Variants in ARHGAP21 observed in about 807,000 individuals in gnomAD.
ARHGAP21 encodes rho GTPase-activating protein 21.
A neutral mutation model predicts 164.6 loss-of-function variants in ARHGAP21; 38 were observed. The ratio of observed to expected loss-of-function variants is 0.23; its 90% CI spans 0.18 to 0.30. The LOEUF is 0.30. ARHGAP21 is among the 10% of genes least tolerant of loss of function. ARHGAP21 has a pLI of 1.00. For missense variants in ARHGAP21, 1,822 were observed against 2,370.7 expected, an observed-to-expected ratio of 0.77 and a Z score of 4.81; for synonymous variants, 766 against 857.9, an observed-to-expected ratio of 0.89 and a Z score of 1.87.
Position 24,696,099 on chromosome 10 carries a change from G to A in ARHGAP21, c.64-25702C>T, listed in dbSNP as rs188024749. On this transcript the variant is annotated intron_variant, in intron 2 of 25. Coordinates refer to ENST00000396432, the MANE Select transcript of ARHGAP21 (RefSeq NM_020824.4). ...ACAACTAAAAATCCAGACAATATAT[G>A]TGAAACAATAGTTTCCAGGCATTGG... 6.8e-4 allele frequency among the ~76,000 whole-genome samples: 104 copies of A among 152,338 alleles called. 1 individual carries two copies. In the Middle Eastern group the frequency reaches 0.014, roughly 20 times the overall value.
chr10:24,596,729 G>C lies in ARHGAP21; in HGVS notation c.3477+11C>G. On this transcript the variant is annotated intron_variant, in intron 17 of 25. Coordinates refer to ENST00000396432, the MANE Select transcript of ARHGAP21 (RefSeq NM_020824.4). ...TGACTTGAGGAAATCCGGTGGGCTG[G>C]TGTCTCCTACCCGATTAGTATGAGC... 6.2e-7 allele frequency: 1 copy of C among 1,613,398 alleles called. No homozygotes were observed. The highest frequency in any genetic ancestry group is 8.5e-7 in the Non-Finnish European group (1 of 1,179,790).
intron 12 of ARHGAP21, among the ~76,000 whole-genome samples, chr10:24,604,041 CAG>C (rs1267223894): frequency 2.9e-5 from 3 of 102,136 alleles, no homozygotes; most frequent in African/African-American, 1.2e-4. Flanking sequence ...AGAAAGAGAA[CAG>C]GGGTGGGGTG....
intron 4 of ARHGAP21, among the ~76,000 whole-genome samples, chr10:24,657,641 G>A (rs994643074): frequency 2.2e-4 from 28 of 125,084 alleles, no homozygotes; most frequent in Admixed American, 4.8e-4. Flanking sequence ...TTGAGAAACC[G>A]GATGGTTGCC....
intron 11 of ARHGAP21, among the ~76,000 whole-genome samples, chr10:24,607,054 A>T (rs2077056128): frequency 6.6e-6 from 1 of 152,202 alleles, no homozygotes; most frequent in Non-Finnish European, 1.5e-5. Flanking sequence ...ATGGAAAATT[A>T]AAAAATCATG....
chr10:24,698,041 T>C (rs1458842383), intron 2 of ARHGAP21, among the ~76,000 whole-genome samples: 2 of 152,104 alleles, frequency 1.3e-5, no homozygotes, highest in African/African-American at 4.8e-5. Context: ...ATGACCACCC[T>C]TAGAAAAATT....
chr10:24,632,832 A>C (rs551757789), intron 6 of ARHGAP21, among the ~76,000 whole-genome samples: 83 of 152,300 alleles, frequency 5.4e-4, no homozygotes, highest in Non-Finnish European at 1.0e-3. Flanking sequence ...AAAATTTTCT[A>C]GTTGTGTGGG....
chr10:24,670,384 T>C lies in ARHGAP21; in HGVS notation c.77A>G (p.Lys26Arg). 1 of 1,592,500 alleles carries C rather than the reference T, an allele frequency of 6.3e-7. No homozygotes were observed. The highest frequency in any genetic ancestry group is 8.6e-7 in the Non-Finnish European group (1 of 1,168,798). ...KLKACEVSKNKDGKEQSETVS... is the reference protein window; with the variant it reads ...KLKACEVSKNRDGKEQSETVS... Reference sequence around the variant, plus strand: ...AGTTTCACTTTGTTCTTTTCCATCTTTATTTTTTGAGACCTAAAGTGAAAA... The same window carrying C: ...AGTTTCACTTTGTTCTTTTCCATCTCTATTTTTTGAGACCTAAAGTGAAAA... Residue 26 changes from lysine (K) to arginine (R), a missense_variant, in exon 3 of 26, where the codon AAA becomes AGA. By Grantham distance (26) the Lys-to-Arg change is conservative (BLOSUM62 2). This residue lies in a region of ARHGAP21 where 1,090 missense variants were observed against 1,378.9 expected (regional missense o/e 0.79). Coordinates refer to ENST00000396432, the MANE Select transcript of ARHGAP21 (RefSeq NM_020824.4).
At chr10:24,692,724 C>A (rs1454697293) in intron 2 of ARHGAP21, among the ~76,000 whole-genome samples, 1 of 152,050 alleles carries the variant, frequency 6.6e-6, no homozygotes, top group Non-Finnish European at 1.5e-5. Flanking sequence ...CCCAGCTACT[C>A]AGGAGGCTGA....
chr10:24,607,524 C>T lies in ARHGAP21; in HGVS notation c.2659G>A (p.Asp887Asn), dbSNP rs1213521723. The T allele has an allele frequency of 3.7e-6, 6 of 1,613,394 alleles. No homozygotes were observed. Among genetic ancestry groups the T allele is most frequent in the African/African-American group, 1.3e-5 (1 of 74,888 alleles). ...ERSKSYDEGLDDYREDAKLSF... is the reference protein window; with the variant it reads ...ERSKSYDEGLNDYREDAKLSF... ...AATTTTGCATCTTCTCTGTAATCAT[C>T]CAGACCCTCATCATATGATTTTGAT... The change falls in exon 11 of 26, where the codon GAT becomes AAT. Residue 887 changes from aspartate to asparagine, a missense_variant. By Grantham distance (23) the Asp-to-Asn change is conservative. Coordinates refer to ENST00000396432, the MANE Select transcript of ARHGAP21 (RefSeq NM_020824.4).
At chr10:24,668,615 G>C (rs781600815) in intron 3 of ARHGAP21, among the ~76,000 whole-genome samples, 1 of 151,796 alleles carries the variant, frequency 6.6e-6, no homozygotes, top group Non-Finnish European at 1.5e-5. Context: ...TTTAATACTG[G>C]AAGTGTTTTG....
intron 12 of ARHGAP21, among the ~76,000 whole-genome samples, chr10:24,603,625 G>A (rs1690013025): frequency 6.6e-6 from 1 of 152,166 alleles, no homozygotes; most frequent in Non-Finnish European, 1.5e-5. Context: ...AAGTGTGGGG[G>A]TTGGTTTTTA....
intron 2 of ARHGAP21, among the ~76,000 whole-genome samples, chr10:24,695,566 CAAAA>C (rs34010661): frequency 3.9e-5 from 5 of 127,988 alleles, no homozygotes. Flanking sequence ...GAGACTGCGT[CAAAA>C]AAAAAAAAAA....
At chr10:24,687,202 G>A (rs547353702) in intron 2 of ARHGAP21, among the ~76,000 whole-genome samples, 2 of 152,254 alleles carry the variant, frequency 1.3e-5, no homozygotes, top group East Asian at 3.9e-4. Flanking sequence ...GCCCTCTACT[G>A]TAGAGAGTAC....
chr10:24,590,244 A>C (rs2076274214), intron 24 of ARHGAP21: 1 of 1,478,326 alleles, frequency 6.8e-7, no homozygotes, highest in Non-Finnish European at 8.9e-7. Flanking sequence ...AGAAATAACA[A>C]GAAACAGCAG....
chr10:24,609,950 C>T lies in ARHGAP21; in HGVS notation c.2423-2047G>A, dbSNP rs567089035. ...TTAGATGAAAATCAATCATCTTTAT[C>T]CTAGGCATATCACATACTACATTAA... On this transcript the variant is annotated intron_variant, in intron 9 of 25. Transcript: ENST00000396432. Among the ~76,000 whole-genome samples, 6 of 152,266 alleles carry T rather than the reference C, an allele frequency of 3.9e-5. No individual in the cohort carries two copies. In the South Asian group the frequency reaches 1.2e-3, roughly 32 times the overall value.
rs767041070 is a variant in ARHGAP21, at chr10:24,620,150, T to A, written c.1745A>T (p.Gln582Leu). ...MSGRGVGSVS[Q>L]FKKIPPDLKT... ...TAGATCTGGTGGAATTTTTTTAAAC[T>A]GCGACACAGATCCCACTCCTCTACC... is the stretch of plus-strand genomic sequence containing the variant. Residue 582 changes from glutamine to leucine, a missense_variant, in exon 9 of 26, where the codon CAG (glutamine) becomes CTG (leucine). By Grantham distance (113) the Gln-to-Leu change is moderately radical. Around this residue, in one of 5 missense-constraint regions of ARHGAP21, gnomAD observed 1,090 missense variants for 1,378.9 expected, o/e 0.79. Coordinates refer to ENST00000396432, the MANE Select transcript of ARHGAP21 (RefSeq NM_020824.4). 1 of 1,613,982 alleles carries A rather than the reference T, an allele frequency of 6.2e-7. No homozygotes were observed. The highest frequency in any genetic ancestry group is 1.1e-5 in the South Asian group (1 of 91,072).
intron 2 of ARHGAP21, among the ~76,000 whole-genome samples, chr10:24,716,862 G>A (rs143440024): frequency 6.6e-6 from 1 of 152,332 alleles, no homozygotes; most frequent in East Asian, 1.9e-4. Context: ...TTGAGATGAG[G>A]AAGACTGGAA....
chr10:24,677,907 A>T (rs1841408882), intron 2 of ARHGAP21, among the ~76,000 whole-genome samples: 1 of 152,172 alleles, frequency 6.6e-6, no homozygotes, highest in African/African-American at 2.4e-5. Flanking sequence ...TTAAAATTTT[A>T]GTTCTTTTTT....
chr10:24,650,416 C>G (rs1216948357), intron 4 of ARHGAP21, among the ~76,000 whole-genome samples: 1 of 152,064 alleles, frequency 6.6e-6, no homozygotes, highest in Non-Finnish European at 1.5e-5. Flanking sequence ...TTAAAATGTT[C>G]TAAGGTCCTT....
Sources: gnomAD v4.1 joint callset for allele counts (sites outside exome capture counted in the v4.1 genomes callset) on GRCh38, gnomAD v4.1.1 for gene constraint, gnomAD v4.1.1 regional missense constraint, MANE v1.5 for transcripts, NCBI Gene and HGNC (gene_info 2026-07-23, HGNC 2026-07-21) for gene names.